SH3PXD2B: variants seen among roughly 807,000 people sequenced by gnomAD.
SH3PXD2B encodes SH3 and PX domain-containing protein 2B.
SH3PXD2B carries 37 observed loss-of-function variants against 73.1 expected under a neutral mutation model. The ratio of observed to expected loss-of-function variants is 0.51; its 90% CI spans 0.39 to 0.67. SH3PXD2B has a LOEUF of 0.67. SH3PXD2B is among the 30% of genes least tolerant of loss of function. The pLI is 0.00. For synonymous variants in SH3PXD2B, 457 were observed against 480.5 expected (o/e 0.95, Z 0.64); for missense variants, 1,053 against 1,197.8 (o/e 0.88, Z 1.78).
rs150745340 is a variant in SH3PXD2B, at chr5:172,359,733, G to A, written c.563-856C>T. On this transcript the variant is annotated intron_variant, in intron 7 of 12. Coordinates refer to ENST00000311601, the MANE Select transcript of SH3PXD2B (RefSeq NM_001017995.3). Reference sequence around the variant, plus strand: ...CCTCCCCACAAAGATGTCTGTGTTCGAATCCCTCAAACCTGTAAATATATG... The same window carrying A: ...CCTCCCCACAAAGATGTCTGTGTTCAAATCCCTCAAACCTGTAAATATATG... Among the ~76,000 whole-genome samples the A allele has an allele frequency of 2.2e-3, 342 of 152,256 alleles. 2 individuals carry two copies. The highest frequency in any genetic ancestry group is 7.9e-3 in the African/African-American group (328 of 41,550).
chr5:172,399,567 G>A (rs185272204), intron 3 of SH3PXD2B, among the ~76,000 whole-genome samples: 3 of 152,072 alleles, frequency 2.0e-5, no homozygotes, highest in African/African-American at 2.4e-5. Context: ...CTTAGAAGCC[G>A]GCACACCAAA....
At position 172,339,957 on chromosome 5, in the gene SH3PXD2B, A is replaced by T; in HGVS notation, c.1189-41T>A. On this transcript the variant is annotated intron_variant, in intron 12 of 12. Transcript: ENST00000311601. This position sits in a 1 kb window ranked among gnomAD's most constrained non-coding sequence, Gnocchi z 6.1. ...GAGAAAGGCACTTGGCTACGATGCCAGGGCCAGCAGATGGAATGGTTTGGC... is the reference window on the plus strand; with the variant it reads ...GAGAAAGGCACTTGGCTACGATGCCTGGGCCAGCAGATGGAATGGTTTGGC... The T allele has an allele frequency of 6.2e-7, 1 of 1,612,298 alleles. No homozygotes were observed.
At chr5:172,454,227 C>T in intron 1 of SH3PXD2B, 51 bp downstream of exon 1, 5 of 1,532,786 alleles carry the variant, frequency 3.3e-6, no homozygotes, top group Non-Finnish European at 1.8e-6. Context: ...CCCTCGGTCG[C>T]CCCCGACGGG....
intron 3 of SH3PXD2B, among the ~76,000 whole-genome samples, chr5:172,399,439 T>G (rs1209377115): frequency 6.6e-6 from 1 of 152,198 alleles, no homozygotes; most frequent in Non-Finnish European, 1.5e-5. Flanking sequence ...CTTATTCTAC[T>G]TAACATGGGA....
At chr5:172,326,920 G>A (rs1036844891) in intron 12 of SH3PXD2B, among the ~76,000 whole-genome samples, 14 of 146,988 alleles carry the variant, frequency 9.5e-5, no homozygotes, top group Admixed American at 7.0e-4. Context: ...GAAGTGGCAC[G>A]ATCTTGGCTC....
intron 2 of SH3PXD2B, among the ~76,000 whole-genome samples, chr5:172,419,039 T>G (rs143629244): frequency 1.7e-3 from 255 of 152,242 alleles, no homozygotes; most frequent in African/African-American, 5.9e-3. Context: ...GTGCGTCCGC[T>G]TAACCAGCAC....
intron 12 of SH3PXD2B, among the ~76,000 whole-genome samples, chr5:172,343,572 G>A (rs1365225413): frequency 3.3e-5 from 5 of 152,096 alleles, no homozygotes; most frequent in East Asian, 3.9e-4. Flanking sequence ...AGGCTTAGGC[G>A]GGCGGATCAC....
Position 172,391,089 on chromosome 5 carries a change from C to T in SH3PXD2B, c.309+3474G>A, listed in dbSNP as rs557227331. Reference sequence around the variant, plus strand: ...CTCCCGACCTCAGGTGATCCACCCGCCTCAGCCTCCCAAAGTACTGGGATT... The same window carrying T: ...CTCCCGACCTCAGGTGATCCACCCGTCTCAGCCTCCCAAAGTACTGGGATT... On this transcript the variant is annotated intron_variant, in intron 4 of 12. Coordinates refer to ENST00000311601, the MANE Select transcript of SH3PXD2B (RefSeq NM_001017995.3). Among the ~76,000 whole-genome samples the T allele has an allele frequency of 7.6e-4, 115 of 152,236 alleles. 2 individuals are homozygous for T. Among genetic ancestry groups the T allele is most frequent in the Non-Finnish European group, 7.2e-4 (49 of 68,006 alleles).
At chr5:172,418,486 C>T (rs1758877392) in intron 2 of SH3PXD2B, among the ~76,000 whole-genome samples, 2 of 152,330 alleles carry the variant, frequency 1.3e-5, no homozygotes, top group East Asian at 1.9e-4. Flanking sequence ...GCTCTCCCCA[C>T]GCTGTTTGGG....
At chr5:172,366,604 A>AATTT (rs770544465) in intron 6 of SH3PXD2B, among the ~76,000 whole-genome samples, 1 of 151,886 alleles carries the variant, frequency 6.6e-6, no homozygotes, top group Admixed American at 6.6e-5. Context: ...TTGACCCTGC[A>AATTT]ATTTATTTAT....
intron 12 of SH3PXD2B, among the ~76,000 whole-genome samples, chr5:172,327,752 GTTT>G (rs3053146): frequency 4.7e-4 from 67 of 142,442 alleles, no homozygotes; most frequent in African/African-American, 1.8e-3. Flanking sequence ...CTGCAACTGG[GTTT>G]TTTTTTTTTT....
chr5:172,337,768 G>T lies in SH3PXD2B; in HGVS notation c.*601C>A. ...GATCTCCAGGCCCACTCCTGGGGGA[G>T]CCGCATCCAGTGGAACCTCAGAGGC... On this transcript the variant is annotated 3_prime_UTR_variant, in exon 13 of 13. Coordinates refer to ENST00000311601, the MANE Select transcript of SH3PXD2B (RefSeq NM_001017995.3). 10 of 996,372 alleles carry T rather than the reference G, an allele frequency of 1.0e-5. No individual in the cohort carries two copies. The highest frequency in any genetic ancestry group is 1.2e-5 in the Non-Finnish European group (10 of 836,212). The allele number at this position is 996,372 out of a possible 1,614,324, so 61.7% of individuals were successfully genotyped here. A position where few individuals can be genotyped will look rare whatever the true frequency, so the allele number is the denominator to read the frequency against.
chr5:172,443,281 C>T (rs764464254), intron 1 of SH3PXD2B, among the ~76,000 whole-genome samples: 3 of 152,200 alleles, frequency 2.0e-5, no homozygotes, highest in Non-Finnish European at 2.9e-5. Flanking sequence ...ACATGTATTA[C>T]TACTATCACC....
chr5:172,344,588 CAA>C (rs756550290), intron 12 of SH3PXD2B, among the ~76,000 whole-genome samples: 49 of 25,212 alleles, frequency 1.9e-3, no homozygotes, highest in African/African-American at 7.0e-3. Context: ...GAGGCTCTGT[CAA>C]AAAAAAAAAA....
At position 172,405,881 on chromosome 5, in the gene SH3PXD2B, T is replaced by C. The variant is rs190792740; in HGVS notation, c.232+396A>G. 2.0e-5 allele frequency among the ~76,000 whole-genome samples: 3 copies of C among 152,320 alleles called. No individual in the cohort carries two copies. The East Asian group carries it at 5.8e-4, about 29-fold the overall frequency. On this transcript the variant is annotated intron_variant, in intron 3 of 12. Transcript: ENST00000311601. ...TTTCTGAGTTCGAATTATTCCCATT[T>C]TAGAGATGGGAGAAACTGAGGATCC... is the stretch of plus-strand genomic sequence containing the variant.
In SH3PXD2B at chr5:172,334,915, G is replaced by C. The variant is rs570847534; in HGVS notation, c.*3454C>G. ...GGCCAAGAACATTGACTTGGAAATT[G>C]ATTCTATGGCGTGGCCTTGTGGCAG... On this transcript the variant is annotated 3_prime_UTR_variant, in exon 13 of 13. Coordinates refer to ENST00000311601, the MANE Select transcript of SH3PXD2B (RefSeq NM_001017995.3). 1.0e-6 allele frequency: 1 copy of C among 985,296 alleles called. No individual in the cohort carries two copies. The highest frequency in any genetic ancestry group is 1.2e-6 in the Non-Finnish European group (1 of 829,946). The allele number at this position is 985,296 out of a possible 1,614,324, so 61.0% of individuals were successfully genotyped here. A position where few individuals can be genotyped will look rare whatever the true frequency, so the allele number is the denominator to read the frequency against.
At chr5:172,379,287 A>G (rs958960713) in intron 5 of SH3PXD2B, among the ~76,000 whole-genome samples, 46 of 146,852 alleles carry the variant, frequency 3.1e-4, no homozygotes, top group African/African-American at 1.2e-3. Context: ...TGGACAACAT[A>G]GCCAGACCCT....
At position 172,346,198 on chromosome 5, in the gene SH3PXD2B, T is replaced by C. The variant is rs886060423; in HGVS notation, c.1126A>G (p.Ile376Val). The change falls in exon 12 of 13, where the codon ATC becomes GTC. Residue 376 changes from isoleucine (I) to valine (V), a missense_variant. Physicochemically the swap from Ile to Val is conservative, Grantham distance 29. Transcript: ENST00000311601. Reference protein sequence around the residue: ...PPQVEEEYYTIAEFQTTIPDG... With the variant: ...PPQVEEEYYTVAEFQTTIPDG... ...GGGATGGTTGTCTGGAATTCGGCGA[T>C]GGTGTAATACTCTTCCTCCACTTGG... 1.2e-6 allele frequency: 2 copies of C among 1,613,966 alleles called. No homozygotes were observed. Among genetic ancestry groups the C allele is most frequent in the African/African-American group, 1.3e-5 (1 of 74,920 alleles).
chr5:172,436,787 G>A (rs991807423), intron 1 of SH3PXD2B, among the ~76,000 whole-genome samples: 6 of 152,348 alleles, frequency 3.9e-5, no homozygotes, highest in East Asian at 1.9e-4. Context: ...TGCTAAAGCC[G>A]TCCTGCTCTA....
Sources: allele counts gnomAD v4.1 joint callset (sites outside exome capture counted in the v4.1 genomes callset), GRCh38; gene constraint gnomAD v4.1.1; non-coding constraint Gnocchi (gnomAD v3.1); transcripts MANE v1.5; gene names NCBI Gene and HGNC (gene_info 2026-07-23, HGNC 2026-07-21).